CAST: variants seen among roughly 807,000 people sequenced by gnomAD.
The protein encoded by CAST is calpastatin, also known as MIR583 host.
A neutral mutation model predicts 119.6 loss-of-function variants in CAST; 76 were observed. The observed-to-expected ratio is 0.64, with a 90% CI of 0.53 to 0.77. CAST has a LOEUF of 0.77. Ranked by LOEUF, CAST falls within the 30% of genes least tolerant of loss-of-function variation. The pLI, the probability that CAST is intolerant of heterozygous loss-of-function variation, is 0.00. For missense variants in CAST, 953 were observed against 946.5 expected (o/e 1.01, Z -0.09); for synonymous variants, 319 against 331.6 (o/e 0.96, Z 0.41).
the CAST span, among the ~76,000 whole-genome samples, chr5:96,350,931 T>C: frequency 6.6e-6 from 1 of 152,132 alleles, no homozygotes; most frequent in African/African-American, 2.4e-5. Flanking sequence ...TTTCAGACCT[T>C]CATTATAAGT....
chr5:96,162,824 T>G, the CAST span, among the ~76,000 whole-genome samples: 481 of 152,338 alleles, frequency 3.2e-3, 1 homozygote, highest in Non-Finnish European at 3.8e-3. Context: ...TGTTGATGAT[T>G]TTTGTGTCTA....
chr5:96,040,463 G>C, the CAST span, among the ~76,000 whole-genome samples: 1 of 152,106 alleles, frequency 6.6e-6, no homozygotes, highest in African/African-American at 2.4e-5. Context: ...TTTTCAAAGG[G>C]AGTGCTTCCA....
chr5:96,608,037 T>A (rs904615266), intron 1 of CAST, among the ~76,000 whole-genome samples: 2 of 128,422 alleles, frequency 1.6e-5, no homozygotes, highest in Non-Finnish European at 3.6e-5. Flanking sequence ...CTGTACTGTG[T>A]AATAGACACC....
the CAST span, among the ~76,000 whole-genome samples, chr5:96,290,194 C>A: frequency 6.6e-6 from 1 of 152,148 alleles, no homozygotes; most frequent in Admixed American, 6.5e-5. Flanking sequence ...AAGCTTCACC[C>A]ATCTTTCCAC....
chr5:96,743,410 C>T (rs986615142), intron 16 of CAST: 9 of 460,732 alleles, frequency 2.0e-5, no homozygotes, highest in South Asian at 3.9e-5. Flanking sequence ...AGAGAGTTGC[C>T]GGTTCCTGAC....
the CAST span, chr5:95,972,922 A>G: frequency 6.6e-6 from 1 of 152,232 alleles, no homozygotes; most frequent in African/African-American, 2.4e-5. Context: ...CGAAGGGATG[A>G]TCCTAATTAA....
At chr5:96,617,872 A>ATTCTAATTTTT (rs921518442) in intron 1 of CAST, among the ~76,000 whole-genome samples, 1 of 138,278 alleles carries the variant, frequency 7.2e-6, no homozygotes, top group Non-Finnish European at 1.5e-5. Flanking sequence ...TGTAGAGGTT[A>ATTCTAATTTTT]TTCTAATTTT....
At chr5:96,754,279 T>C (rs2150600890) in intron 21 of CAST, 118 bp downstream of exon 21, 1 of 717,690 alleles carries the variant, frequency 1.4e-6, no homozygotes, top group Non-Finnish European at 2.5e-6. Context: ...ACCAGCTGGC[T>C]TTTTCTATTA....
the CAST span, among the ~76,000 whole-genome samples, chr5:96,268,220 G>A: frequency 1.3e-5 from 2 of 152,168 alleles, no homozygotes; most frequent in South Asian, 4.1e-4. Context: ...AATGGAAGTA[G>A]TAAGTCCTTA....
At chr5:96,645,656 A>G (rs1748005982) in intron 1 of CAST, among the ~76,000 whole-genome samples, 1 of 152,030 alleles carries the variant, frequency 6.6e-6, no homozygotes. Flanking sequence ...CAAGAGGTGT[A>G]ATGTAAATTT....
At chr5:96,186,602 T>C in the CAST span, among the ~76,000 whole-genome samples, 1 of 152,238 alleles carries the variant, frequency 6.6e-6, no homozygotes, top group Admixed American at 6.5e-5. Context: ...TCTATTGAGA[T>C]AATTATGTGG....
the CAST span, among the ~76,000 whole-genome samples, chr5:96,412,752 G>GTTTTTTTTTTTTGGTT: frequency 1.4e-5 from 1 of 71,832 alleles, no homozygotes; most frequent in African/African-American, 9.0e-5. Flanking sequence ...CAGCTGTGAT[G>GTTTTTTTTTTTTGGTT]TTTTTTTTTT....
At chr5:96,401,086 CAAAAAAAAAAA>C in the CAST span, among the ~76,000 whole-genome samples, 17 of 70,574 alleles carry the variant, frequency 2.4e-4, 1 homozygote, top group East Asian at 8.0e-3. Context: ...GACTCCGTCT[CAAAAAAAAAAA>C]AAAAAAAAAA....
At chr5:96,318,353 G>A in the CAST span, 4 of 152,210 alleles carry the variant, frequency 2.6e-5, no homozygotes, top group Non-Finnish European at 5.9e-5. Context: ...AACCTTCTAT[G>A]GGAAGTGAAT....
At chr5:96,240,735 C>CTTTTTTT in the CAST span, among the ~76,000 whole-genome samples, 10 of 102,388 alleles carry the variant, frequency 9.8e-5, no homozygotes, top group East Asian at 2.7e-4. Flanking sequence ...AGCTAACTTT[C>CTTTTTTT]TTTTTTTTTT....
chr5:96,164,103 A>G, the CAST span, among the ~76,000 whole-genome samples: 149 of 152,314 alleles, frequency 9.8e-4, no homozygotes, highest in African/African-American at 3.5e-3. Flanking sequence ...GCTGAAAAAT[A>G]TTAATATGTA....
chr5:96,557,669 T>C (rs1746271708), intron 1 of CAST, among the ~76,000 whole-genome samples: 1 of 152,142 alleles, frequency 6.6e-6, no homozygotes, highest in African/African-American at 2.4e-5. Flanking sequence ...CCTAAATATA[T>C]ATGCACCCAA....
chr5:96,425,892 AC>A, the CAST span: 1 of 1,612,548 alleles, frequency 6.2e-7, no homozygotes, highest in Non-Finnish European at 8.5e-7. Context: ...CTGAACGTTT[AC>A]TTCTTTCTTT....
the CAST span, among the ~76,000 whole-genome samples, chr5:96,347,260 A>T: frequency 6.6e-6 from 1 of 152,172 alleles, no homozygotes; most frequent in East Asian, 1.9e-4. Context: ...ACATTAATGC[A>T]TGATACACAG....
Sources: allele counts gnomAD v4.1 joint callset (sites outside exome capture counted in the v4.1 genomes callset), GRCh38; gene constraint gnomAD v4.1.1; transcripts MANE v1.5; gene names NCBI Gene and HGNC (gene_info 2026-07-23, HGNC 2026-07-21).